AGBL4: variants seen among roughly 807,000 people sequenced by gnomAD.
AGBL4 encodes the protein cytosolic carboxypeptidase 6.
In AGBL4, 58 loss-of-function variants were observed where a neutral mutation model predicts 66.4. The observed-to-expected ratio is 0.87, with a 90% CI of 0.71 to 1.09. The LOEUF is 1.09. AGBL4 is among the 50% of genes least tolerant of loss of function. The pLI is 0.00. For missense variants in AGBL4, 579 were observed against 631.0 expected (o/e 0.92, Z 0.88); for synonymous variants, 234 against 222.9 (o/e 1.05, Z -0.44).
At chr1:48,559,793 C>T (rs968734344) in intron 11 of AGBL4, among the ~76,000 whole-genome samples, 1 of 152,118 alleles carries the variant, frequency 6.6e-6, no homozygotes, top group Non-Finnish European at 1.5e-5. Context: ...GTCTCTGCCC[C>T]CTCCCCTACA....
chr1:49,918,741 C>T (rs1290225447), intron 1 of AGBL4, among the ~76,000 whole-genome samples: 1 of 152,142 alleles, frequency 6.6e-6, no homozygotes, highest in Non-Finnish European at 1.5e-5. Context: ...TTTTATGAGG[C>T]CAACATCATC....
chr1:49,260,564 T>C (rs1448503217), intron 3 of AGBL4, among the ~76,000 whole-genome samples: 3 of 151,960 alleles, frequency 2.0e-5, no homozygotes, highest in Non-Finnish European at 4.4e-5. Flanking sequence ...CTAGAAGAAA[T>C]GGATAAATTC....
chr1:49,917,470 A>G (rs1286395125), intron 1 of AGBL4, among the ~76,000 whole-genome samples: 1 of 152,182 alleles, frequency 6.6e-6, no homozygotes, highest in African/African-American at 2.4e-5. Flanking sequence ...ACCAACAAAG[A>G]TCAAAAGAGA....
intron 5 of AGBL4, among the ~76,000 whole-genome samples, chr1:48,910,945 G>A (rs927882578): frequency 6.6e-6 from 1 of 152,168 alleles, no homozygotes; most frequent in South Asian, 2.1e-4. Flanking sequence ...GGCTATTAAA[G>A]TGAAGGCTGA....
intron 3 of AGBL4, among the ~76,000 whole-genome samples, chr1:49,411,789 T>C (rs1445667245): frequency 1.3e-5 from 2 of 152,108 alleles, no homozygotes; most frequent in Non-Finnish European, 2.9e-5. Flanking sequence ...CCAAATTTGC[T>C]TTTAGAAAGA....
chr1:49,168,290 T>G (rs1646670142), intron 4 of AGBL4, among the ~76,000 whole-genome samples: 1 of 152,236 alleles, frequency 6.6e-6, no homozygotes, highest in Non-Finnish European at 1.5e-5. Context: ...TTGCTGGCTA[T>G]TAATGTAAAT....
At chr1:48,662,539 T>C (rs1189484458) in intron 7 of AGBL4, among the ~76,000 whole-genome samples, 2 of 152,250 alleles carry the variant, frequency 1.3e-5, no homozygotes, top group African/African-American at 2.4e-5. Flanking sequence ...ACAATATACA[T>C]ATATATTGCT....
At chr1:48,752,070 G>T (rs567557538) in intron 6 of AGBL4, among the ~76,000 whole-genome samples, 2 of 152,228 alleles carry the variant, frequency 1.3e-5, no homozygotes, top group African/African-American at 4.8e-5. Context: ...AACAGTTTTT[G>T]AAACTGCCCC....
chr1:49,794,752 AT>A (rs1644689126), intron 2 of AGBL4, among the ~76,000 whole-genome samples: 1 of 151,994 alleles, frequency 6.6e-6, no homozygotes, highest in Admixed American at 6.6e-5. Flanking sequence ...CATAATAGGA[AT>A]TCATTAAATA....
Position 49,451,083 on chromosome 1 carries a change from T to C in AGBL4, c.283-205219A>G, listed in dbSNP as rs752446993. 1.8e-4 allele frequency among the ~76,000 whole-genome samples: 28 copies of C among 152,084 alleles called. 1 individual carries two copies. Among genetic ancestry groups the C allele is most frequent in the Admixed American group, 1.8e-3 (28 of 15,258 alleles). The stretch of plus-strand genomic sequence containing the variant: ...GCACATTCTTGTTATTAGCAGAATT[T>C]AGTTCCTTGTGCTTGTAGAATGGAA... On this transcript the variant is annotated intron_variant, in intron 3 of 13. Coordinates refer to ENST00000371839, the MANE Select transcript of AGBL4 (RefSeq NM_032785.4).
intron 6 of AGBL4, among the ~76,000 whole-genome samples, chr1:48,812,693 A>G (rs1558012053): frequency 1.3e-5 from 2 of 152,206 alleles, no homozygotes; most frequent in Non-Finnish European, 2.9e-5. Flanking sequence ...CACAACAGCA[A>G]AGACTTGGAA....
chr1:48,539,203 T>G (rs1012942880), intron 12 of AGBL4, among the ~76,000 whole-genome samples: 2 of 152,216 alleles, frequency 1.3e-5, no homozygotes, highest in Non-Finnish European at 2.9e-5. Flanking sequence ...AGCACTGTGC[T>G]GGGTGCTTTA....
intron 5 of AGBL4, among the ~76,000 whole-genome samples, chr1:48,933,195 T>C (rs1455546022): frequency 2.0e-5 from 3 of 152,210 alleles, no homozygotes; most frequent in Admixed American, 1.3e-4. Context: ...TGTGTGTGTG[T>C]ACATATGTGT....
chr1:49,084,741 C>A (rs1644873674), intron 4 of AGBL4, among the ~76,000 whole-genome samples: 1 of 152,140 alleles, frequency 6.6e-6, no homozygotes, highest in Admixed American at 6.5e-5. Context: ...TTCCCTCCTG[C>A]AGCATTCAGA....
intron 6 of AGBL4, among the ~76,000 whole-genome samples, chr1:48,816,837 A>G (rs895103250): frequency 2.6e-5 from 4 of 152,216 alleles, no homozygotes; most frequent in African/African-American, 9.6e-5. Context: ...ATGCAGTAGT[A>G]TGATACATGC....
intron 3 of AGBL4, among the ~76,000 whole-genome samples, chr1:49,381,258 C>T (rs561814705): frequency 3.0e-4 from 46 of 152,318 alleles, no homozygotes; most frequent in Middle Eastern, 3.4e-3. Context: ...CTCACCATCA[C>T]TGGCCATCAG....
chr1:48,633,279 C>T (rs1557841890), intron 9 of AGBL4, among the ~76,000 whole-genome samples: 1 of 152,154 alleles, frequency 6.6e-6, no homozygotes, highest in Non-Finnish European at 1.5e-5. Flanking sequence ...TTTTTAAGCG[C>T]ACTTTTCTAT....
chr1:48,855,388 C>T (rs1227651556), intron 6 of AGBL4, among the ~76,000 whole-genome samples: 1 of 152,222 alleles, frequency 6.6e-6, no homozygotes, highest in Non-Finnish European at 1.5e-5. Context: ...AGACCACAAG[C>T]ACATGTATGC....
intron 3 of AGBL4, among the ~76,000 whole-genome samples, chr1:49,683,314 A>G (rs1318670983): frequency 1.3e-5 from 2 of 152,116 alleles, no homozygotes; most frequent in African/African-American, 4.8e-5. Flanking sequence ...GGTTAAACTC[A>G]CTTGTTTTAT....
Sources: gnomAD v4.1 joint callset for allele counts (sites outside exome capture counted in the v4.1 genomes callset) on GRCh38, gnomAD v4.1.1 for gene constraint, MANE v1.5 for transcripts, NCBI Gene and HGNC (gene_info 2026-07-23, HGNC 2026-07-21) for gene names.